The following SLC7A1 variants were observed in gnomAD, a reference collection of about 807,000 sequenced individuals.
SLC7A1 encodes solute carrier family 7 member 1.
SLC7A1 carries 10 observed loss-of-function variants against 53.9 expected under a neutral mutation model. That is an observed-to-expected ratio of 0.19 (90% CI 0.11 to 0.31). SLC7A1 has a LOEUF of 0.31. Among genes scored for constraint, SLC7A1 ranks in the 10% least tolerant of loss-of-function variants. The pLI, the probability that SLC7A1 is intolerant of heterozygous loss-of-function variation, is 1.00. For synonymous variants in SLC7A1, 342 were observed against 338.7 expected, an observed-to-expected ratio of 1.01 and a Z score of -0.11; for missense variants, 525 against 827.2, an observed-to-expected ratio of 0.63 and a Z score of 4.48.
intron 2 of SLC7A1, among the ~76,000 whole-genome samples, chr13:29,541,386 G>A (rs1193594546): frequency 6.6e-6 from 1 of 152,132 alleles, no homozygotes; most frequent in Non-Finnish European, 1.5e-5. Context: ...AATTAACCGT[G>A]GTCAGTGCCT....
At position 29,535,908 on chromosome 13, in the gene SLC7A1, G is replaced by A. The variant is rs756760070; in HGVS notation, c.281C>T (p.Thr94Met). 1.1e-5 allele frequency: 18 copies of A among 1,614,198 alleles called. No individual in the cohort carries two copies. Among genetic ancestry groups the A allele is most frequent in the South Asian group, 2.2e-5 (2 of 91,086 alleles). ...YGEFGARVPKTGSAYLYSYVT... is the reference protein window; with the variant it reads ...YGEFGARVPKMGSAYLYSYVT... ...ATAGCTGTAGAGGTAAGCTGAGCCC[G>A]TCTTGGGGACCCGAGCACCAAACTC... Residue 94 changes from threonine (T) to methionine (M), a missense_variant, in exon 3 of 13, where the codon ACG (threonine) becomes ATG (methionine). Around this residue, in one of 4 missense-constraint regions of SLC7A1, gnomAD observed 354 missense variants for 587.5 expected, o/e 0.60. Transcript: ENST00000380752.
At chr13:29,548,972 C>T (rs1870052184) in intron 2 of SLC7A1, among the ~76,000 whole-genome samples, 1 of 152,224 alleles carries the variant, frequency 6.6e-6, no homozygotes, top group South Asian at 2.1e-4. Context: ...ATTTCAGACA[C>T]TCACTCCAGA....
chr13:29,586,170 G>A (rs1325085415), intron 1 of SLC7A1, among the ~76,000 whole-genome samples: 1 of 152,196 alleles, frequency 6.6e-6, no homozygotes, highest in Admixed American at 6.5e-5. Context: ...TTGTACCAAA[G>A]TGCAAAATGG....
At chr13:29,537,258 C>T (rs947627748) in intron 2 of SLC7A1, among the ~76,000 whole-genome samples, 12 of 152,360 alleles carry the variant, frequency 7.9e-5, no homozygotes, top group African/African-American at 2.9e-4. Flanking sequence ...ATAACAGTGA[C>T]AGTCATGTTG....
intron 2 of SLC7A1, among the ~76,000 whole-genome samples, chr13:29,551,400 C>T (rs752175307): frequency 7.2e-5 from 11 of 152,188 alleles, no homozygotes; most frequent in Non-Finnish European, 1.5e-4. Flanking sequence ...CCATCTGGCA[C>T]CTGGCCTGAT....
intron 2 of SLC7A1, 136 bp downstream of exon 2, chr13:29,553,625 A>C (rs1244911922): frequency 6.6e-6 from 1 of 152,236 alleles, no homozygotes; most frequent in East Asian, 1.9e-4. Context: ...AAATCTAAAA[A>C]AGAAGACAAC....
intron 2 of SLC7A1, among the ~76,000 whole-genome samples, chr13:29,539,323 A>G (rs1869562501): frequency 1.3e-5 from 2 of 152,130 alleles, no homozygotes; most frequent in South Asian, 4.1e-4. Flanking sequence ...GGCGAATGTG[A>G]GCCGGCTGCT....
intron 2 of SLC7A1, among the ~76,000 whole-genome samples, chr13:29,545,533 G>A (rs1215160286): frequency 2.0e-5 from 3 of 152,190 alleles, no homozygotes; most frequent in Admixed American, 6.5e-5. Context: ...ACTAGGAAAC[G>A]CCCAGAAAAC....
intron 1 of SLC7A1, among the ~76,000 whole-genome samples, chr13:29,576,917 G>A (rs1251607872): frequency 6.6e-6 from 1 of 152,144 alleles, no homozygotes; most frequent in Non-Finnish European, 1.5e-5. Context: ...TCTGTCTGGC[G>A]CCAACACCTC....
chr13:29,522,222 A>G (rs939016830), intron 8 of SLC7A1, 95 bp downstream of exon 8: 13 of 1,249,622 alleles, frequency 1.0e-5, no homozygotes, highest in Non-Finnish European at 1.4e-5. Flanking sequence ...ACCAGTTAAG[A>G]TTACTCACAG....
intron 1 of SLC7A1, among the ~76,000 whole-genome samples, chr13:29,571,065 G>A (rs1023988686): frequency 3.3e-5 from 5 of 152,184 alleles, no homozygotes; most frequent in African/African-American, 1.2e-4. Context: ...ATAAAGTGCT[G>A]TGAAGATTAA....
chr13:29,543,704 G>A (rs190225979), intron 2 of SLC7A1, among the ~76,000 whole-genome samples: 2 of 151,226 alleles, frequency 1.3e-5, no homozygotes, highest in Non-Finnish European at 3.0e-5. Flanking sequence ...AGGAGGGAGA[G>A]GGGTGGGGAG....
rs1327487523 is a variant in SLC7A1, at chr13:29,519,621, G to A, written c.1190-72C>T. Reference sequence around the variant, plus strand: ...AATGACAACCAGGACCACCACTGCCGCCCACCATCCAGGGCAGCGAAGGGG... The same window carrying A: ...AATGACAACCAGGACCACCACTGCCACCCACCATCCAGGGCAGCGAAGGGG... On this transcript the variant is annotated intron_variant, in intron 8 of 12. Transcript: ENST00000380752. The A allele has an allele frequency of 1.4e-5, 13 of 936,758 alleles. No individual in the cohort carries two copies. In the Admixed American group the frequency reaches 2.1e-4, roughly 15 times the overall value. 58.0% of individuals were successfully genotyped at this position (936,758 alleles called of 1,614,324 possible).
chr13:29,521,651 A>C (rs1868636517), intron 8 of SLC7A1, among the ~76,000 whole-genome samples: 1 of 152,196 alleles, frequency 6.6e-6, no homozygotes, highest in Admixed American at 6.5e-5. Flanking sequence ...CCACAGGTAC[A>C]GTGTGCACAC....
At chr13:29,530,410 A>T in intron 5 of SLC7A1, 128 bp downstream of exon 5, 1 of 909,980 alleles carries the variant, frequency 1.1e-6, no homozygotes, top group Non-Finnish European at 1.7e-6. Flanking sequence ...AAAAACACAA[A>T]ACAATTAACA....
intron 2 of SLC7A1, among the ~76,000 whole-genome samples, chr13:29,544,079 C>G (rs886801724): frequency 6.6e-6 from 1 of 152,158 alleles, no homozygotes; most frequent in African/African-American, 2.4e-5. Context: ...ACTCACACCA[C>G]GAAGAGGCCC....
chr13:29,517,071 C>A lies in SLC7A1; in HGVS notation c.1677+73G>T. 6.3e-6 allele frequency: 9 copies of A among 1,435,250 alleles called. No homozygotes were observed. In the South Asian group the frequency reaches 1.3e-4, roughly 21 times the overall value. 88.9% of individuals were successfully genotyped at this position (1,435,250 alleles called of 1,614,324 possible). Reference sequence around the variant, plus strand: ...GAGCACCCAGGCCCGGCTGAGCCCACGCAGGGCTGGCCAGGCATCAGGAGG... The same window carrying A: ...GAGCACCCAGGCCCGGCTGAGCCCAAGCAGGGCTGGCCAGGCATCAGGAGG... On this transcript the variant is annotated intron_variant, in intron 11 of 12. Transcript: ENST00000380752.
intron 1 of SLC7A1, among the ~76,000 whole-genome samples, chr13:29,557,210 C>G (rs1196392202): frequency 2.0e-5 from 3 of 152,216 alleles, no homozygotes; most frequent in Non-Finnish European, 2.9e-5. Context: ...TCGCAAGCAG[C>G]ATTCCAACAC....
At chr13:29,548,868 T>G (rs912307928) in intron 2 of SLC7A1, among the ~76,000 whole-genome samples, 2 of 152,250 alleles carry the variant, frequency 1.3e-5, no homozygotes, top group Admixed American at 6.5e-5. Context: ...ACGCAGTTCA[T>G]GTCATGCATA....
Sources: allele counts gnomAD v4.1 joint callset (sites outside exome capture counted in the v4.1 genomes callset), GRCh38; gene constraint gnomAD v4.1.1; regional missense constraint gnomAD v4.1.1; transcripts MANE v1.5; gene names NCBI Gene and HGNC (gene_info 2026-07-23, HGNC 2026-07-21).